Variants in GLIS3 observed in about 807,000 individuals in gnomAD.
GLIS3 encodes the protein zinc finger protein GLIS3.
A neutral mutation model predicts 78.6 loss-of-function variants in GLIS3; 53 were observed. That is an observed-to-expected ratio of 0.67 (90% confidence interval 0.54 to 0.85). The LOEUF (loss-of-function observed/expected upper bound fraction) is 0.85. GLIS3 is among the 40% of genes least tolerant of loss of function. The pLI is 0.00. For missense variants in GLIS3, 1,703 were observed against 1,231.1 expected (o/e 1.38, Z -5.74); for synonymous variants, 684 against 509.9 (o/e 1.34, Z -4.60).
At chr9:4,382,209 GAC>G in the GLIS3 span, among the ~76,000 whole-genome samples, 2 of 152,100 alleles carry the variant, frequency 1.3e-5, no homozygotes, top group Admixed American at 6.5e-5. Flanking sequence ...GATGCTGAAT[GAC>G]ACATCTGGAA....
intron 2 of GLIS3, among the ~76,000 whole-genome samples, chr9:4,213,927 C>CAAAAAAAAAAAAAAAAATAAAAAAAAAA: frequency 7.2e-6 from 1 of 138,222 alleles, no homozygotes; most frequent in Non-Finnish European, 1.6e-5. Flanking sequence ...AACACAGAAG[C>CAAAAAAAAAAAAAAAAATAAAAAAAAAA]AAAAAAAAAA....
chr9:4,335,941 T>G (rs1817750033), intron 2 of GLIS3, among the ~76,000 whole-genome samples: 1 of 152,156 alleles, frequency 6.6e-6, no homozygotes. Flanking sequence ...ATTTGCGGAC[T>G]TCGGTAAATT....
At chr9:4,226,707 G>C (rs1290314513) in intron 2 of GLIS3, among the ~76,000 whole-genome samples, 1 of 152,204 alleles carries the variant, frequency 6.6e-6, no homozygotes, top group Non-Finnish European at 1.5e-5. Context: ...TGTGACCTTA[G>C]GCAAGTTACT....
chr9:3,997,398 A>G (rs1230536375), intron 4 of GLIS3, among the ~76,000 whole-genome samples: 1 of 152,014 alleles, frequency 6.6e-6, no homozygotes, highest in Non-Finnish European at 1.5e-5. Flanking sequence ...AAATAAAATA[A>G]AAGTTGAGTT....
intron 5 of GLIS3, chr9:3,932,903 A>G (rs1310338612): frequency 6.1e-6 from 2 of 325,634 alleles, no homozygotes; most frequent in Non-Finnish European, 1.2e-5. Flanking sequence ...AAAACTGGGT[A>G]TTTTTCAGAA....
chr9:4,066,886 C>G (rs1244470334), intron 4 of GLIS3, among the ~76,000 whole-genome samples: 2 of 152,108 alleles, frequency 1.3e-5, no homozygotes, highest in African/African-American at 4.8e-5. Flanking sequence ...AGTACCCCAG[C>G]GGGCATCTTT....
chr9:4,207,760 A>T (rs1820010318), intron 2 of GLIS3, among the ~76,000 whole-genome samples: 1 of 152,192 alleles, frequency 6.6e-6, no homozygotes, highest in Non-Finnish European at 1.5e-5. Context: ...GGAACCCAGA[A>T]CAGGCAGCCT....
At chr9:4,263,835 A>T (rs1415911194) in intron 2 of GLIS3, among the ~76,000 whole-genome samples, 2 of 151,940 alleles carry the variant, frequency 1.3e-5, no homozygotes, top group African/African-American at 4.8e-5. Context: ...TTTTCTTCCT[A>T]CCTCATTGCC....
intron 2 of GLIS3, among the ~76,000 whole-genome samples, chr9:4,321,806 T>G (rs898618469): frequency 5.9e-5 from 9 of 152,108 alleles, no homozygotes; most frequent in African/African-American, 1.9e-4. Flanking sequence ...CCTCCCGGAT[T>G]CAAGTGATTC....
chr9:3,848,490 G>A (rs893651126), intron 9 of GLIS3, among the ~76,000 whole-genome samples: 9 of 152,156 alleles, frequency 5.9e-5, no homozygotes, highest in Non-Finnish European at 1.0e-4. Context: ...CGACAAGAGC[G>A]AAACTCTGTC....
rs537484 is a variant in GLIS3 at position 4,117,602 on chromosome 9, C to T, written c.1710+166G>A. Among the ~76,000 whole-genome samples, 80,610 of 151,886 alleles carry T rather than the reference C, an allele frequency of 0.53. 23,265 individuals carry two copies. The highest frequency in any genetic ancestry group is 0.76 in the African/African-American group (31,364 of 41,370). On this transcript the variant is annotated intron_variant, in intron 4 of 10. Transcript: ENST00000381971. ...AAATATAGCAATGGAGAGCCACTAA[C>T]CATGAAAGAAATCTTCCCCTTCCTC...
At chr9:4,370,160 G>C in the GLIS3 span, among the ~76,000 whole-genome samples, 1 of 137,276 alleles carries the variant, frequency 7.3e-6, no homozygotes, top group Non-Finnish European at 1.5e-5. Context: ...CTCCAGCCTA[G>C]GCGACAGAGC....
At chr9:4,448,903 G>T in the GLIS3 span, among the ~76,000 whole-genome samples, 1 of 152,182 alleles carries the variant, frequency 6.6e-6, no homozygotes, top group South Asian at 2.1e-4. Context: ...CAGAGTGATG[G>T]GTGCAGAAGA....
the GLIS3 span, among the ~76,000 whole-genome samples, chr9:4,459,356 T>C: frequency 2.0e-5 from 3 of 152,172 alleles, no homozygotes; most frequent in Non-Finnish European, 4.4e-5. Context: ...CCTGGGGCTA[T>C]CCAATCTTTA....
intron 8 of GLIS3, 42 bp from the exon 9 acceptor site, chr9:3,856,226 C>G (rs1819780649): frequency 6.4e-7 from 1 of 1,569,470 alleles, no homozygotes; most frequent in Non-Finnish European, 8.7e-7. Flanking sequence ...GGACATAAAA[C>G]AGCAGGAACA....
the GLIS3 span, among the ~76,000 whole-genome samples, chr9:4,432,786 G>A: frequency 3.3e-5 from 5 of 151,710 alleles, no homozygotes; most frequent in South Asian, 4.2e-4. Context: ...GATTATAGGC[G>A]CCCGCCACCA....
the GLIS3 span, among the ~76,000 whole-genome samples, chr9:4,395,904 GC>G: frequency 6.6e-6 from 1 of 151,434 alleles, no homozygotes; most frequent in East Asian, 2.0e-4. Context: ...CTCCTGAATA[GC>G]TGGGATTACA....
At chr9:4,267,495 C>G (rs192980389) in intron 2 of GLIS3, among the ~76,000 whole-genome samples, 35 of 152,258 alleles carry the variant, frequency 2.3e-4, no homozygotes, top group Middle Eastern at 3.4e-3. Context: ...ATTGCCAACC[C>G]CACAGTACCC....
chr9:4,377,352 A>G, the GLIS3 span, among the ~76,000 whole-genome samples: 4,460 of 134,638 alleles, frequency 0.033, 876 homozygotes, highest in African/African-American at 0.11. Context: ...CATTCCTCCC[A>G]CCCTAGGACA....
Sources: gnomAD v4.1 joint callset for allele counts (sites outside exome capture counted in the v4.1 genomes callset) on GRCh38, gnomAD v4.1.1 for gene constraint, MANE v1.5 for transcripts, NCBI Gene and HGNC (gene_info 2026-07-23, HGNC 2026-07-21) for gene names.